APP: variants seen among roughly 807,000 people sequenced by gnomAD.
APP encodes the protein amyloid beta precursor protein.
Under a neutral mutation model 101.4 loss-of-function variants are expected in APP, and 31 were observed. The ratio of observed to expected loss-of-function variants is 0.31; its 90% CI spans 0.23 to 0.41. APP has a LOEUF of 0.41. Ranked by LOEUF, APP falls within the 10% of genes least tolerant of loss-of-function variation. The probability of loss-of-function intolerance (pLI) is 1.00; values close to 1 mark genes in which losing one functional copy is unlikely to be tolerated. For missense variants in APP, 839 were observed against 1,003.7 expected, an observed-to-expected ratio of 0.84 and a Z score of 2.22; for synonymous variants, 366 against 364.4, an observed-to-expected ratio of 1.00 and a Z score of -0.05.
At chr21:25,896,418 TCACACA>T (rs149942292) in intron 16 of APP, among the ~76,000 whole-genome samples, 43 of 149,340 alleles carry the variant, frequency 2.9e-4, no homozygotes, top group Non-Finnish European at 5.4e-4. Context: ...AAAGTAACAC[TCACACA>T]CACACACACA....
intron 11 of APP, among the ~76,000 whole-genome samples, chr21:25,960,005 C>G (rs577343622): frequency 2.2e-4 from 33 of 152,236 alleles, no homozygotes; most frequent in Admixed American, 5.2e-4. Context: ...GCTACTATAC[C>G]TCACAGCCCA....
At chr21:26,089,829 G>C in intron 3 of APP, 114 bp downstream of exon 3, 1 of 1,495,576 alleles carries the variant, frequency 6.7e-7, no homozygotes. Context: ...ACAACACAGA[G>C]TGGCAATGTG....
chr21:25,946,437 G>A lies in APP; in HGVS notation c.1687+8153C>T, dbSNP rs150775413. On this transcript the variant is annotated intron_variant, in intron 13 of 17. Coordinates refer to ENST00000346798, the MANE Select transcript of APP (RefSeq NM_000484.4). The stretch of plus-strand genomic sequence containing the variant: ...TCCTAGCACTTTGGAAGGCCGAGGT[G>A]GGCAGGTTGCCTGAGCTCAGGAGTT... Among the ~76,000 whole-genome samples the A allele has an allele frequency of 7.3e-3, 1,109 of 152,290 alleles. 6 individuals carry two copies. Among genetic ancestry groups the A allele is most frequent in the Non-Finnish European group, 0.012 (832 of 68,016 alleles).
At chr21:26,152,280 A>C (rs1473430767) in intron 1 of APP, among the ~76,000 whole-genome samples, 2 of 135,744 alleles carry the variant, frequency 1.5e-5, no homozygotes, top group East Asian at 4.3e-4. Flanking sequence ...GCAAGACTCC[A>C]TCTCAAAAAA....
chr21:25,988,702 CA>C lies in APP; in HGVS notation c.1091-6226del, dbSNP rs537417600. Reference sequence around the variant, plus strand: ...GGGTGATAACAGCGAAACTCTGTCTCAAAAAAAAAAAAAAAAAAAAAGGAGA... The same window carrying C: ...GGGTGATAACAGCGAAACTCTGTCTCAAAAAAAAAAAAAAAAAAAAGGAGA... On this transcript the variant is annotated intron_variant, in intron 8 of 17. Transcript: ENST00000346798. Among the ~76,000 whole-genome samples, 265 of 62,360 alleles carry C rather than the reference CA, an allele frequency of 4.2e-3. 1 individual carries two copies. The highest frequency in any genetic ancestry group is 0.018 in the South Asian group (31 of 1,696). The allele number at this position is 62,360 out of a possible 152,430, so 40.9% of individuals were successfully genotyped here. A position where few individuals can be genotyped will look rare whatever the true frequency, so the allele number is the denominator to read the frequency against.
At chr21:26,071,217 T>C (rs1324633688) in intron 3 of APP, among the ~76,000 whole-genome samples, 1 of 152,170 alleles carries the variant, frequency 6.6e-6, no homozygotes, top group African/African-American at 2.4e-5. Flanking sequence ...TTTTCCTGTT[T>C]GCACACAGCG....
intron 6 of APP, among the ~76,000 whole-genome samples, chr21:26,017,336 C>T (rs910752004): frequency 6.7e-6 from 1 of 149,712 alleles, no homozygotes; most frequent in Non-Finnish European, 1.5e-5. Context: ...CCTGTTTTCC[C>T]GGCTACTTGG....
chr21:25,963,874 G>T (rs1458944347), intron 11 of APP, among the ~76,000 whole-genome samples: 1 of 152,112 alleles, frequency 6.6e-6, no homozygotes, highest in Non-Finnish European at 1.5e-5. Flanking sequence ...TCTTCAGAAA[G>T]GCAAACAAAT....
At chr21:26,077,158 T>C (rs1056846686) in intron 3 of APP, among the ~76,000 whole-genome samples, 4 of 152,090 alleles carry the variant, frequency 2.6e-5, no homozygotes, top group Non-Finnish European at 5.9e-5. Context: ...TGCCATCAAA[T>C]ATAGGCCTCC....
chr21:26,170,803 A>G (rs1363146136), upstream of APP: 1 of 600,892 alleles, frequency 1.7e-6, no homozygotes, highest in African/African-American at 2.0e-5. Context: ...GCTCAGAGCC[A>G]GGCGAGTCAG....
intron 6 of APP, among the ~76,000 whole-genome samples, chr21:26,014,477 A>G (rs2043964536): frequency 6.6e-6 from 1 of 152,168 alleles, no homozygotes; most frequent in South Asian, 2.1e-4. Context: ...CTTCCTTTAT[A>G]ATTACTGATA....
At chr21:26,079,996 C>T (rs973731676) in intron 3 of APP, among the ~76,000 whole-genome samples, 3 of 152,040 alleles carry the variant, frequency 2.0e-5, no homozygotes, top group Non-Finnish European at 2.9e-5. Flanking sequence ...TGGTGGTGCA[C>T]GCCTGTAATC....
At chr21:25,920,652 G>A (rs1453208068) in intron 13 of APP, among the ~76,000 whole-genome samples, 1 of 151,802 alleles carries the variant, frequency 6.6e-6, no homozygotes, top group Non-Finnish European at 1.5e-5. Context: ...TAATGGTAAA[G>A]GGATCAATTC....
At chr21:25,978,078 A>G (rs2042288739) in intron 9 of APP, among the ~76,000 whole-genome samples, 1 of 152,232 alleles carries the variant, frequency 6.6e-6, no homozygotes, top group Non-Finnish European at 1.5e-5. Context: ...ACACTTTAAG[A>G]AACTGGACTT....
At chr21:25,886,560 AT>A (rs1222887462) in intron 17 of APP, among the ~76,000 whole-genome samples, 1 of 151,428 alleles carries the variant, frequency 6.6e-6, no homozygotes, top group Non-Finnish European at 1.5e-5. Context: ...CGCCTGGCTA[AT>A]TTTTTGTATT....
At chr21:26,099,491 G>T (rs189894078) in intron 2 of APP, among the ~76,000 whole-genome samples, 1 of 152,142 alleles carries the variant, frequency 6.6e-6, no homozygotes, top group East Asian at 1.9e-4. Flanking sequence ...AACTAAAATC[G>T]ATGCCATTTC....
chr21:25,885,177 C>T (rs2037242260), intron 17 of APP, among the ~76,000 whole-genome samples: 1 of 152,218 alleles, frequency 6.6e-6, no homozygotes, highest in Non-Finnish European at 1.5e-5. Context: ...GATCTTTAAT[C>T]TCCAGCCCCT....
intron 13 of APP, among the ~76,000 whole-genome samples, chr21:25,948,693 C>G (rs982862677): frequency 6.6e-6 from 1 of 152,172 alleles, no homozygotes; most frequent in Non-Finnish European, 1.5e-5. Context: ...AAAAGAGCTA[C>G]ATTTTTAGCC....
chr21:25,961,370 G>A (rs772210892), intron 11 of APP, among the ~76,000 whole-genome samples: 41 of 152,152 alleles, frequency 2.7e-4, no homozygotes, highest in Admixed American at 1.3e-4. Context: ...CGTGTCACAG[G>A]TGCATCCTCA....
Sources: gnomAD v4.1 joint callset for allele counts (sites outside exome capture counted in the v4.1 genomes callset) on GRCh38, gnomAD v4.1.1 for gene constraint, MANE v1.5 for transcripts, NCBI Gene and HGNC (gene_info 2026-07-23, HGNC 2026-07-21) for gene names.